Variants in GNAO1 observed in about 807,000 individuals in gnomAD.
GNAO1 encodes the protein G protein subunit alpha o1, also known as guanine nucleotide-binding protein G(o) subunit alpha.
For missense variants in GNAO1, 166 were observed against 478.7 expected (o/e 0.35, Z 6.10); for synonymous variants, 164 against 180.7 (o/e 0.91, Z 0.74).
intron 3 of GNAO1, among the ~76,000 whole-genome samples, chr16:56,290,234 C>T (rs138638211): frequency 1.3e-5 from 2 of 152,294 alleles, no homozygotes; most frequent in Non-Finnish European, 2.9e-5. Context: ...GGCCTCTTGT[C>T]CTGACTCTCA....
intron 3 of GNAO1, among the ~76,000 whole-genome samples, chr16:56,278,212 GA>G (rs2037082046): frequency 6.6e-6 from 1 of 152,194 alleles, no homozygotes; most frequent in South Asian, 2.1e-4. Flanking sequence ...GGACTCCCTG[GA>G]GAGTCCACTG....
At chr16:56,266,472 C>A (rs2036955134) in intron 2 of GNAO1, among the ~76,000 whole-genome samples, 1 of 152,214 alleles carries the variant, frequency 6.6e-6, no homozygotes, top group Non-Finnish European at 1.5e-5. Context: ...TTCTGCCCAA[C>A]CAGTGGTCCC....
rs2143699828 is a variant in GNAO1, at chr16:56,351,550, C to T, written c.877+13C>T. 3 of 1,604,854 alleles carry T rather than the reference C, an allele frequency of 1.9e-6. No homozygotes were observed. Among genetic ancestry groups the T allele is most frequent in the East Asian group, 4.5e-5 (2 of 44,862 alleles). ...CCTGAATACACAGGTGGGTGCCAGG[C>T]AGTCCTGTGCAGGGGGAAGCCTGCC... is the stretch of plus-strand genomic sequence containing the variant. On this transcript the variant is annotated intron_variant, in intron 7 of 8. Coordinates refer to ENST00000262493, the MANE Select transcript of GNAO1 (RefSeq NM_020988.3). The surrounding 1 kb of genome is among the most constrained non-coding windows in gnomAD (Gnocchi z 6.1).
At chr16:56,206,615 C>G (rs1416283431) in intron 2 of GNAO1, among the ~76,000 whole-genome samples, 2 of 152,162 alleles carry the variant, frequency 1.3e-5, no homozygotes, top group African/African-American at 4.8e-5. Context: ...GATGGTTACA[C>G]TACTGTGTAT....
At position 56,336,254 on chromosome 16, in the gene GNAO1, C is replaced by A. The variant is rs138086751; in HGVS notation, c.594-477C>A. 183 of 159,160 alleles carry A rather than the reference C, an allele frequency of 1.1e-3. 4 individuals carry two copies. In the East Asian group the frequency reaches 0.029, roughly 25 times the overall value. 9.9% of individuals were successfully genotyped at this position (159,160 alleles called of 1,614,324 possible). ...CCCAGCTCCACCACAGCTGGACTCT[C>A]GCCAGCTTGGGCATGTCCTAAGCCC... is the stretch of plus-strand genomic sequence containing the variant. On this transcript the variant is annotated intron_variant, in intron 5 of 8. Transcript: ENST00000262493.
chr16:56,251,901 A>T (rs370195057), intron 2 of GNAO1, among the ~76,000 whole-genome samples: 23 of 152,180 alleles, frequency 1.5e-4, no homozygotes, highest in African/African-American at 5.3e-4. Context: ...CCCCTGTTAG[A>T]TTTCCTGGCA....
chr16:56,215,879 T>C (rs1297504446), intron 2 of GNAO1, among the ~76,000 whole-genome samples: 1 of 152,228 alleles, frequency 6.6e-6, no homozygotes, highest in Non-Finnish European at 1.5e-5. Context: ...ATTGAGTACT[T>C]ACTGTATACA....
rs148968256 is a variant in GNAO1, at chr16:56,192,686, C to T, written c.161+70C>T. Reference sequence around the variant, plus strand: ...TTTTTAAATCGTTTTTATTACATTGCTTACTCCACATTGCTCTCCAGGCCT... The same window carrying T: ...TTTTTAAATCGTTTTTATTACATTGTTTACTCCACATTGCTCTCCAGGCCT... On this transcript the variant is annotated intron_variant, in intron 2 of 8. Transcript: ENST00000262493. 3,088 of 911,802 alleles carry T rather than the reference C, an allele frequency of 3.4e-3. 70 individuals are homozygous for T. The highest frequency in any genetic ancestry group is 0.031 in the South Asian group (2,394 of 76,406). The allele number at this position is 911,802 out of a possible 1,614,324, so 56.5% of individuals were successfully genotyped here.
intron 3 of GNAO1, among the ~76,000 whole-genome samples, chr16:56,297,287 C>T (rs556360150): frequency 2.0e-5 from 3 of 152,240 alleles, no homozygotes; most frequent in African/African-American, 7.2e-5. Flanking sequence ...ACGCCCTGCC[C>T]TGTACCCTCA....
At chr16:56,296,080 C>A (rs2037285517) in intron 3 of GNAO1, among the ~76,000 whole-genome samples, 1 of 152,174 alleles carries the variant, frequency 6.6e-6, no homozygotes, top group African/African-American at 2.4e-5. Context: ...ATTATAAAGC[C>A]AATTACTGAT....
chr16:56,312,405 T>C (rs1463392545), intron 3 of GNAO1, among the ~76,000 whole-genome samples: 1 of 152,226 alleles, frequency 6.6e-6, no homozygotes, highest in Non-Finnish European at 1.5e-5. Flanking sequence ...GGGCCTCTCT[T>C]TGACACCAGG....
At position 56,323,273 on chromosome 16, in the gene GNAO1, G is replaced by A. The variant is rs114848668; in HGVS notation, c.304-5358G>A. Among the ~76,000 whole-genome samples the A allele has an allele frequency of 6.0e-3, 910 of 152,270 alleles. 9 individuals are homozygous for A. Among genetic ancestry groups the A allele is most frequent in the African/African-American group, 0.021 (876 of 41,540 alleles). On this transcript the variant is annotated intron_variant, in intron 3 of 8. Coordinates refer to ENST00000262493, the MANE Select transcript of GNAO1 (RefSeq NM_020988.3). ...TGATGGGCAGCTGTTGAAAGGAAGA[G>A]CTATACCCATTATGATTAAGTTTAA... is the stretch of plus-strand genomic sequence containing the variant.
chr16:56,272,754 G>A (rs576813839), intron 2 of GNAO1, among the ~76,000 whole-genome samples: 2 of 152,282 alleles, frequency 1.3e-5, no homozygotes, highest in South Asian at 4.1e-4. Context: ...CTTTCCACCT[G>A]ATCAAGTGCA....
chr16:56,309,287 A>T (rs2037430790), intron 3 of GNAO1, among the ~76,000 whole-genome samples: 1 of 152,184 alleles, frequency 6.6e-6, no homozygotes, highest in Admixed American at 6.5e-5. Flanking sequence ...TGTGTCCGGG[A>T]TATTTGAGGT....
chr16:56,339,020 C>T (rs1027675826), intron 6 of GNAO1, among the ~76,000 whole-genome samples: 2 of 152,268 alleles, frequency 1.3e-5, no homozygotes, highest in African/African-American at 4.8e-5. Flanking sequence ...CCTTCCTTCC[C>T]CAAGGCTGGC....
intron 2 of GNAO1, among the ~76,000 whole-genome samples, chr16:56,257,032 C>T (rs1272322864): frequency 2.0e-5 from 3 of 152,172 alleles, no homozygotes; most frequent in African/African-American, 4.8e-5. Flanking sequence ...CAAATAGTCT[C>T]GCGTTTGGCA....
At chr16:56,242,519 A>G (rs1477625409) in intron 2 of GNAO1, among the ~76,000 whole-genome samples, 1 of 152,232 alleles carries the variant, frequency 6.6e-6, no homozygotes, top group Non-Finnish European at 1.5e-5. Flanking sequence ...AAACTTATAC[A>G]TCTATGACCA....
rs1055948169 is a variant in GNAO1, at chr16:56,351,575, C to G, written c.877+38C>G. 6 of 1,546,520 alleles carry G rather than the reference C, an allele frequency of 3.9e-6. No homozygotes were observed. In the African/African-American group the frequency reaches 5.4e-5, roughly 14 times the overall value. On this transcript the variant is annotated intron_variant, in intron 7 of 8. Transcript: ENST00000262493. This position sits in a 1 kb window ranked among gnomAD's most constrained non-coding sequence, Gnocchi z 6.1. ...CAGTCCTGTGCAGGGGGAAGCCTGC[C>G]CCTGACAGGGACCCATGGCTCAGAG...
chr16:56,263,301 G>A (rs1259041853), intron 2 of GNAO1, among the ~76,000 whole-genome samples: 1 of 152,152 alleles, frequency 6.6e-6, no homozygotes, highest in African/African-American at 2.4e-5. Flanking sequence ...AGAGCCAGAG[G>A]TCCCAAGCAA....
Sources: allele counts gnomAD v4.1 joint callset (sites outside exome capture counted in the v4.1 genomes callset), GRCh38; gene constraint gnomAD v4.1.1; non-coding constraint Gnocchi (gnomAD v3.1); transcripts MANE v1.5; gene names NCBI Gene and HGNC (gene_info 2026-07-23, HGNC 2026-07-21).